SH3BGRL2: variants seen among roughly 807,000 people sequenced by gnomAD.
SH3BGRL2 encodes SH3 domain binding glutamate rich protein like 2, also known as SH3 domain-binding glutamic acid-rich-like protein 2.
Under a neutral mutation model 14.8 loss-of-function variants are expected in SH3BGRL2, and 21 were observed. That is an observed-to-expected ratio of 1.42 (90% CI 1.01 to 2.05). The LOEUF (loss-of-function observed/expected upper bound fraction) is 2.05, where lower values mean the gene tolerates loss of function less well. Among genes scored for constraint, SH3BGRL2 ranks in the 30% most tolerant of loss-of-function variants. The pLI, the probability that SH3BGRL2 is intolerant of heterozygous loss-of-function variation, is 0.00. For synonymous variants in SH3BGRL2, 50 were observed against 47.8 expected (o/e 1.05, Z -0.19); for missense variants, 147 against 130.8 (o/e 1.12, Z -0.61).
the SH3BGRL2 span, among the ~76,000 whole-genome samples, chr6:79,596,827 T>C: frequency 6.6e-5 from 10 of 152,198 alleles, no homozygotes; most frequent in African/African-American, 2.4e-4. Context: ...AGAACAATCT[T>C]GTAAAAGAAG....
At chr6:79,577,586 A>C in the SH3BGRL2 span, among the ~76,000 whole-genome samples, 1 of 152,252 alleles carries the variant, frequency 6.6e-6, no homozygotes, top group African/African-American at 2.4e-5. Flanking sequence ...ATTAAAAATT[A>C]AAAATGAATA....
intron 1 of SH3BGRL2, among the ~76,000 whole-genome samples, chr6:79,658,719 C>G (rs1400112088): frequency 1.3e-5 from 2 of 152,248 alleles, no homozygotes; most frequent in African/African-American, 2.4e-5. Context: ...AATCCCCACA[C>G]TGTCTTCTAC....
the SH3BGRL2 span, among the ~76,000 whole-genome samples, chr6:79,545,149 C>T: frequency 1.3e-5 from 2 of 152,198 alleles, no homozygotes; most frequent in Admixed American, 6.5e-5. Context: ...GAACTTCTGA[C>T]TCATCATCTT....
At chr6:79,575,480 A>G in the SH3BGRL2 span, 1 of 152,158 alleles carries the variant, frequency 6.6e-6, no homozygotes, top group Non-Finnish European at 1.5e-5. Flanking sequence ...GTACTTTCTC[A>G]TGTCATATAA....
At chr6:79,546,960 G>A in the SH3BGRL2 span, among the ~76,000 whole-genome samples, 95 of 152,266 alleles carry the variant, frequency 6.2e-4, no homozygotes, top group Admixed American at 2.4e-3. Flanking sequence ...GACCACAGGC[G>A]TGAGCCACTG....
the SH3BGRL2 span, among the ~76,000 whole-genome samples, chr6:79,600,378 A>G: frequency 6.6e-6 from 1 of 152,142 alleles, no homozygotes; most frequent in Admixed American, 6.5e-5. Flanking sequence ...CCCTATTATG[A>G]GCTTAGCCGT....
the SH3BGRL2 span, among the ~76,000 whole-genome samples, chr6:79,537,831 C>T: frequency 2.0e-5 from 3 of 152,120 alleles, no homozygotes; most frequent in Non-Finnish European, 4.4e-5. Context: ...TACAAACAAA[C>T]TGCTAGTGCT....
At chr6:79,588,188 G>A in the SH3BGRL2 span, among the ~76,000 whole-genome samples, 2 of 151,960 alleles carry the variant, frequency 1.3e-5, no homozygotes, top group African/African-American at 2.4e-5. Flanking sequence ...AGCTACTCGG[G>A]AGGCTGAGGC....
At chr6:79,657,821 T>A (rs1287392470) in intron 1 of SH3BGRL2, among the ~76,000 whole-genome samples, 3 of 152,182 alleles carry the variant, frequency 2.0e-5, no homozygotes, top group Non-Finnish European at 4.4e-5. Context: ...TCTAGTATTA[T>A]CCTACTTAGC....
intron 1 of SH3BGRL2, among the ~76,000 whole-genome samples, chr6:79,647,420 G>A (rs1769166372): frequency 1.3e-5 from 2 of 151,816 alleles, no homozygotes; most frequent in Non-Finnish European, 2.9e-5. Context: ...AGTCTTTAGG[G>A]AATATATATT....
the SH3BGRL2 span, among the ~76,000 whole-genome samples, chr6:79,564,496 C>T: frequency 6.6e-6 from 1 of 152,022 alleles, no homozygotes; most frequent in Non-Finnish European, 1.5e-5. Context: ...AGAAATTTGC[C>T]CAGTTACACA....
At chr6:79,638,598 C>G (rs1428963351) in intron 1 of SH3BGRL2, among the ~76,000 whole-genome samples, 3 of 152,072 alleles carry the variant, frequency 2.0e-5, no homozygotes, top group Non-Finnish European at 2.9e-5. Flanking sequence ...TCTCTGCATC[C>G]TCATCAGCAT....
intron 3 of SH3BGRL2, among the ~76,000 whole-genome samples, chr6:79,696,951 G>A (rs1034499694): frequency 6.6e-6 from 1 of 151,848 alleles, no homozygotes; most frequent in Non-Finnish European, 1.5e-5. Context: ...TTTCATTGGA[G>A]AAGAGATGGT....
In SH3BGRL2 at chr6:79,668,400, A is replaced by G. The variant is rs113058213; in HGVS notation, c.46-5214A>G. 3.0e-3 allele frequency among the ~76,000 whole-genome samples: 458 copies of G among 152,202 alleles called. 3 individuals carry two copies. Among genetic ancestry groups the G allele is most frequent in the African/African-American group, 0.01 (436 of 41,552 alleles). On this transcript the variant is annotated intron_variant, in intron 1 of 3. Transcript: ENST00000369838. ...GATTTCCACGGGTCATTGAGTCTTCATGCGGAGTCAGGAGACCCCGCAGCT... is the reference window on the plus strand; with the variant it reads ...GATTTCCACGGGTCATTGAGTCTTCGTGCGGAGTCAGGAGACCCCGCAGCT...
the SH3BGRL2 span, among the ~76,000 whole-genome samples, chr6:79,600,292 C>A: frequency 6.6e-6 from 1 of 152,174 alleles, no homozygotes; most frequent in African/African-American, 2.4e-5. Context: ...AATTTTTTTA[C>A]TCCCATGCCA....
chr6:79,692,531 G>A (rs891178650), intron 2 of SH3BGRL2, among the ~76,000 whole-genome samples: 1 of 152,060 alleles, frequency 6.6e-6, no homozygotes, highest in Non-Finnish European at 1.5e-5. Flanking sequence ...ATTAATTTTT[G>A]TATAAGGTGT....
At chr6:79,604,239 GTTAATT>G in the SH3BGRL2 span, among the ~76,000 whole-genome samples, 1 of 152,166 alleles carries the variant, frequency 6.6e-6, no homozygotes, top group Admixed American at 6.5e-5. Flanking sequence ...ATGGACAAAG[GTTAATT>G]CAACTTTCCC....
At chr6:79,631,642 T>C in intron 1 of SH3BGRL2, 136 bp downstream of exon 1, 1 of 316,738 alleles carries the variant, frequency 3.2e-6, no homozygotes, top group Non-Finnish European at 5.0e-6. Flanking sequence ...AGGTGATCCA[T>C]CACACTCCGA....
chr6:79,640,157 CTGGAGGT>C (rs1316406706), intron 1 of SH3BGRL2, among the ~76,000 whole-genome samples: 1 of 152,030 alleles, frequency 6.6e-6, no homozygotes, highest in African/African-American at 2.4e-5. Flanking sequence ...AGGGGAGGAG[CTGGAGGT>C]TGGAAGCCTG....
Sources: allele counts gnomAD v4.1 joint callset (sites outside exome capture counted in the v4.1 genomes callset), GRCh38; gene constraint gnomAD v4.1.1; transcripts MANE v1.5; gene names NCBI Gene and HGNC (gene_info 2026-07-23, HGNC 2026-07-21).